The following SHISA5 variants were observed in gnomAD, a reference collection of about 807,000 sequenced individuals.
The protein encoded by SHISA5 is shisa family member 5, also known as protein shisa-5.
Under a neutral mutation model 27.5 loss-of-function variants are expected in SHISA5, and 21 were observed. That is an observed-to-expected ratio of 0.76 (90% confidence interval 0.54 to 1.10). The LOEUF (loss-of-function observed/expected upper bound fraction) is 1.10. Ranked by LOEUF, SHISA5 falls within the 50% of genes least tolerant of loss-of-function variation. The pLI, the probability that SHISA5 is intolerant of heterozygous loss-of-function variation, is 0.00. For synonymous variants in SHISA5, 137 were observed against 142.2 expected, an observed-to-expected ratio of 0.96 and a Z score of 0.26; for missense variants, 314 against 336.3, an observed-to-expected ratio of 0.93 and a Z score of 0.52.
intron 1 of SHISA5, chr3:48,503,678 C>G (rs930419735): frequency 1.8e-6 from 2 of 1,123,890 alleles, no homozygotes; most frequent in African/African-American, 1.6e-5. Context: ...GCCAGCTCGC[C>G]CTGCAGCCAC....
intron 3 of SHISA5, chr3:48,477,158 T>C: frequency 2.5e-6 from 1 of 407,594 alleles, no homozygotes; most frequent in Non-Finnish European, 4.8e-6. Context: ...CTCCAACTCC[T>C]TTTTTTTGTT....
rs1448870048 is a variant in SHISA5, at chr3:48,469,912, G to GGCAT, written c.315-73_315-70dup. On this transcript the variant is annotated intron_variant, in intron 3 of 5. Coordinates refer to ENST00000296444, the MANE Select transcript of SHISA5 (RefSeq NM_016479.6). The surrounding 1 kb of genome is among the most constrained non-coding windows in gnomAD (Gnocchi z 4.6). ...CAGACCAGCATCCACACCTTCCCAA[G>GGCAT]GCATGCCCCTCTTGCCAGAAGGGGT... is the stretch of plus-strand genomic sequence containing the variant. The GGCAT allele has an allele frequency of 1.4e-5, 22 of 1,557,990 alleles. No homozygotes were observed. The highest frequency in any genetic ancestry group is 1.9e-5 in the Non-Finnish European group (22 of 1,149,054).
At chr3:48,480,346 C>G (rs1052116468) in intron 2 of SHISA5, among the ~76,000 whole-genome samples, 2 of 149,112 alleles carry the variant, frequency 1.3e-5, no homozygotes, top group East Asian at 3.9e-4. Flanking sequence ...AATAAGAACT[C>G]ATAAAGGATA....
intron 2 of SHISA5, among the ~76,000 whole-genome samples, chr3:48,494,119 C>G (rs996008113): frequency 1.4e-5 from 2 of 146,842 alleles, no homozygotes; most frequent in Non-Finnish European, 2.9e-5. Context: ...CTCCCTAATC[C>G]TGCCACCTCC....
At position 48,502,059 on chromosome 3, in the gene SHISA5, C is replaced by G. The variant is rs541018659; in HGVS notation, c.77-766G>C. On this transcript the variant is annotated intron_variant, in intron 1 of 5. Coordinates refer to ENST00000296444, the MANE Select transcript of SHISA5 (RefSeq NM_016479.6). ...GTATTTTTTAGTACAGACAGAGTTT[C>G]GCCATGTTGGCCAGGCTGGTCTTGA... 1.2e-4 allele frequency among the ~76,000 whole-genome samples: 18 copies of G among 152,202 alleles called. No individual in the cohort carries two copies. The South Asian group carries it at 3.3e-3, about 28-fold the overall frequency.
Position 48,504,144 on chromosome 3 carries a change from G to T in SHISA5, c.-50C>A, listed in dbSNP as rs1437984025. 2 of 953,998 alleles carry T rather than the reference G, an allele frequency of 2.1e-6. No individual in the cohort carries two copies. The highest frequency in any genetic ancestry group is 2.9e-5 in the South Asian group (1 of 34,866). The allele number at this position is 953,998 out of a possible 1,614,324, so 59.1% of individuals were successfully genotyped here. A position where few individuals can be genotyped will look rare whatever the true frequency, so the allele number is the denominator to read the frequency against. ...GGACGCGAGCGCCGGGCGCAGTGCC[G>T]CCACAGCCTCAGTGATCCGCGCGGC... On this transcript the variant is annotated 5_prime_UTR_variant, in exon 1 of 6. Transcript: ENST00000296444. The surrounding 1 kb of genome is among the most constrained non-coding windows in gnomAD (Gnocchi z 4.0).
chr3:48,483,830 T>C (rs1214150791), intron 2 of SHISA5, among the ~76,000 whole-genome samples: 10 of 147,526 alleles, frequency 6.8e-5, no homozygotes, highest in Admixed American at 2.7e-4. Flanking sequence ...CCCCCCCACC[T>C]CCCTCCCGGA....
Position 48,468,589 on chromosome 3 carries a change from C to G in SHISA5, c.*518G>C. 1 of 1,190,902 alleles carries G rather than the reference C, an allele frequency of 8.4e-7. No individual in the cohort carries two copies. The highest frequency in any genetic ancestry group is 1.1e-6 in the Non-Finnish European group (1 of 943,226). 73.8% of individuals were successfully genotyped at this position (1,190,902 alleles called of 1,614,324 possible). On this transcript the variant is annotated 3_prime_UTR_variant, in exon 6 of 6. Coordinates refer to ENST00000296444, the MANE Select transcript of SHISA5 (RefSeq NM_016479.6). ...AACTTGGCCAGATCCCAAGCTTCGC[C>G]TGCATCATGTCCCTGGCTCTGCAAC...
intron 2 of SHISA5, among the ~76,000 whole-genome samples, chr3:48,483,694 C>T (rs1217273953): frequency 5.3e-5 from 8 of 151,064 alleles, no homozygotes; most frequent in African/African-American, 9.7e-5. Flanking sequence ...ACCTCCCGGA[C>T]GGGGCGGCTG....
chr3:48,504,076 C>G lies in SHISA5; in HGVS notation c.19G>C (p.Ala7Pro). The G allele has an allele frequency of 7.1e-7, 1 of 1,401,864 alleles. No homozygotes were observed. The highest frequency in any genetic ancestry group is 3.1e-5 in the East Asian group (1 of 32,648). The allele number at this position is 1,401,864 out of a possible 1,614,324, so 86.8% of individuals were successfully genotyped here. Residue 7 changes from alanine to proline, a missense_variant, in exon 1 of 6, where the codon GCG (alanine) becomes CCG (proline). Coordinates refer to ENST00000296444, the MANE Select transcript of SHISA5 (RefSeq NM_016479.6). The surrounding 1 kb of genome is among the most constrained non-coding windows in gnomAD (Gnocchi z 4.0). ...AGCAACGGCAACAGGATCCGCGGCG[C>G]GGGGACCGGCGCAGTCATGGCTGGG... Reference protein sequence around the residue: MTAPVPAPRILLPLLLL... With the variant: MTAPVPPPRILLPLLLL...
intron 2 of SHISA5, among the ~76,000 whole-genome samples, chr3:48,494,443 G>A (rs1407718222): frequency 1.4e-5 from 2 of 146,004 alleles, no homozygotes; most frequent in Admixed American, 1.3e-4. Context: ...GATTACAGGC[G>A]TGCACCACCA....
chr3:48,468,345 AAGGGCAGCAGAGCTCCCTG>A lies in SHISA5; in HGVS notation c.*743_*761del. 1 of 1,049,512 alleles carries A rather than the reference AAGGGCAGCAGAGCTCCCTG, an allele frequency of 9.5e-7. No individual in the cohort carries two copies. The highest frequency in any genetic ancestry group is 3.3e-5 in the South Asian group (1 of 30,666). The allele number at this position is 1,049,512 out of a possible 1,614,324, so 65.0% of individuals were successfully genotyped here. On this transcript the variant is annotated 3_prime_UTR_variant, in exon 6 of 6. Coordinates refer to ENST00000296444, the MANE Select transcript of SHISA5 (RefSeq NM_016479.6). The stretch of plus-strand genomic sequence containing the variant: ...CACCTGTGGGAAGGGCAGGGCCAGC[AAGGGCAGCAGAGCTCCCTG>A]GGGGCAGCTAGGCTGTGTGTGCATG...
chr3:48,482,391 T>C (rs2041054177), intron 2 of SHISA5, among the ~76,000 whole-genome samples: 1 of 152,116 alleles, frequency 6.6e-6, no homozygotes, highest in Non-Finnish European at 1.5e-5. Context: ...GGCGACAGAC[T>C]GAGACCCTGT....
At position 48,469,954 on chromosome 3, in the gene SHISA5, T is replaced by C. The variant is rs1472918876; in HGVS notation, c.315-111A>G. On this transcript the variant is annotated intron_variant, in intron 3 of 5. Coordinates refer to ENST00000296444, the MANE Select transcript of SHISA5 (RefSeq NM_016479.6). The surrounding 1 kb of genome is among the most constrained non-coding windows in gnomAD (Gnocchi z 4.6). Reference sequence around the variant, plus strand: ...AGAAGGGGTCTGGGCAATACAGTTATAGCTACTTCCTTGTCGGGTGGCCTG... The same window carrying C: ...AGAAGGGGTCTGGGCAATACAGTTACAGCTACTTCCTTGTCGGGTGGCCTG... 2.2e-6 allele frequency: 3 copies of C among 1,372,692 alleles called. No homozygotes were observed. The highest frequency in any genetic ancestry group is 9.9e-7 in the Non-Finnish European group (1 of 1,011,344). 85.0% of individuals were successfully genotyped at this position (1,372,692 alleles called of 1,614,324 possible). A position where few individuals can be genotyped will look rare whatever the true frequency, so the allele number is the denominator to read the frequency against.
chr3:48,493,523 C>CTTT (rs1195281041), intron 2 of SHISA5, among the ~76,000 whole-genome samples: 6 of 50,422 alleles, frequency 1.2e-4, no homozygotes, highest in Non-Finnish European at 1.6e-4. Flanking sequence ...ATGATCTATT[C>CTTT]TTTTTTTTTT....
intron 2 of SHISA5, among the ~76,000 whole-genome samples, chr3:48,484,570 G>A (rs1030011218): frequency 1.4e-4 from 20 of 147,884 alleles, no homozygotes; most frequent in African/African-American, 4.8e-4. Flanking sequence ...CAGCCTGGGC[G>A]ACAGAGCGAG....
rs2040498675 is a variant in SHISA5, at chr3:48,469,281, G to A, written c.643+80C>T. The A allele has an allele frequency of 1.5e-5, 24 of 1,574,496 alleles. No homozygotes were observed. The highest frequency in any genetic ancestry group is 2.2e-5 in the East Asian group (1 of 44,606). On this transcript the variant is annotated intron_variant, in intron 5 of 5. Coordinates refer to ENST00000296444, the MANE Select transcript of SHISA5 (RefSeq NM_016479.6). The surrounding 1 kb of genome is among the most constrained non-coding windows in gnomAD (Gnocchi z 4.6). ...AAGGGGCAGAGGCCTGTTGAGTGAT[G>A]TAGTTTGGGATGGGTGCCCGAGGGA...
At chr3:48,491,369 C>T (rs1021277926) in intron 2 of SHISA5, among the ~76,000 whole-genome samples, 5 of 152,100 alleles carry the variant, frequency 3.3e-5, no homozygotes, top group African/African-American at 4.8e-5. Context: ...CCGCCCGCCT[C>T]GGCCTCCCAA....
At chr3:48,486,323 T>TAATGTATTA (rs1553826933) in intron 2 of SHISA5, among the ~76,000 whole-genome samples, 2 of 3,078 alleles carry the variant, frequency 6.5e-4, no homozygotes, top group African/African-American at 6.6e-3. Context: ...ATATAATACA[T>TAATGTATTA]TATGTTATAT....
Sources: allele counts gnomAD v4.1 joint callset (sites outside exome capture counted in the v4.1 genomes callset), GRCh38; gene constraint gnomAD v4.1.1; non-coding constraint Gnocchi (gnomAD v3.1); transcripts MANE v1.5; gene names NCBI Gene and HGNC (gene_info 2026-07-23, HGNC 2026-07-21).